The following DACH2 variants were observed in gnomAD, a reference collection of about 807,000 sequenced individuals.
DACH2 encodes dachshund family transcription factor 2, also known as dachshund homolog 2.
DACH2 carries 17 observed loss-of-function variants against 35.8 expected under a neutral mutation model. The observed-to-expected ratio is 0.48, with a 90% CI of 0.33 to 0.71. The LOEUF (loss-of-function observed/expected upper bound fraction) is 0.71, where lower values mean the gene tolerates loss of function less well. DACH2 is among the 30% of genes least tolerant of loss of function. DACH2 has a pLI of 0.02. For synonymous variants in DACH2, 195 were observed against 177.3 expected, an observed-to-expected ratio of 1.10 and a Z score of -0.79; for missense variants, 469 against 472.7, an observed-to-expected ratio of 0.99 and a Z score of 0.07.
Position 86,453,292 on chromosome X carries a change from G to A in DACH2, c.528-60987G>A, listed in dbSNP as rs188703586. Among the ~76,000 whole-genome samples, 3 of 112,042 alleles carry A rather than the reference G, an allele frequency of 2.7e-5. No individual in the cohort carries two copies. The East Asian group carries it at 8.5e-4, about 32-fold the overall frequency. The stretch of plus-strand genomic sequence containing the variant: ...CAATTAGAAGAATACTGTATATTTT[G>A]CTGTTTTCGGGTGGAGAGTTCTGTC... On this transcript the variant is annotated intron_variant, in intron 2 of 11. Transcript: ENST00000373125.
chrX:86,408,092 G>A (rs185437482), intron 2 of DACH2, among the ~76,000 whole-genome samples: 4 of 111,061 alleles, frequency 3.6e-5, no homozygotes, highest in Non-Finnish European at 7.5e-5. Flanking sequence ...AATGTCCCAG[G>A]TTCAAAGCAA....
At chrX:86,245,289 C>A (rs761283375) in intron 1 of DACH2, among the ~76,000 whole-genome samples, 2 of 111,712 alleles carry the variant, frequency 1.8e-5, no homozygotes, top group East Asian at 5.6e-4. Flanking sequence ...GGTGCAAGTG[C>A]ATGCTTGCAT....
intron 1 of DACH2, among the ~76,000 whole-genome samples, chrX:86,236,558 A>T (rs1467304336): frequency 2.7e-5 from 3 of 112,359 alleles, no homozygotes; most frequent in Non-Finnish European, 5.6e-5. Context: ...CACCTAGGCT[A>T]TATTTTACAG....
At position 86,630,377 on chromosome X, in the gene DACH2, T is replaced by C. The variant is rs7472910; in HGVS notation, c.641-20659T>C. Among the ~76,000 whole-genome samples the C allele has an allele frequency of 3.8e-3, 413 of 109,217 alleles. 2 individuals are homozygous for C. Among genetic ancestry groups the C allele is most frequent in the African/African-American group, 0.013 (380 of 30,065 alleles). The allele number at this position is 109,217 out of a possible 115,157, so 94.8% of individuals were successfully genotyped here. On this transcript the variant is annotated intron_variant, in intron 3 of 11. Transcript: ENST00000373125. ...TTGCTTTGAATTATATATATATATA[T>C]ACACACATACATATACACATATATA...
chrX:86,393,873 C>A (rs138426932), intron 2 of DACH2, among the ~76,000 whole-genome samples: 1,740 of 110,494 alleles, frequency 0.016, 47 homozygotes, highest in African/African-American at 0.055. Flanking sequence ...TGAGTTAACA[C>A]ATATAAAACA....
At chrX:86,597,155 C>T (rs1186019291) in intron 3 of DACH2, among the ~76,000 whole-genome samples, 1 of 111,763 alleles carries the variant, frequency 8.9e-6, no homozygotes, top group African/African-American at 3.2e-5. Flanking sequence ...GTTTGGGTTT[C>T]CTAGTTCTGC....
intron 1 of DACH2, among the ~76,000 whole-genome samples, chrX:86,214,365 C>T (rs2032520237): frequency 8.9e-6 from 1 of 111,885 alleles, no homozygotes; most frequent in Admixed American, 9.5e-5. Flanking sequence ...CTTTATCTGA[C>T]CTTCAGAGTT....
intron 1 of DACH2, among the ~76,000 whole-genome samples, chrX:86,260,764 G>T (rs979921432): frequency 9.1e-6 from 1 of 109,610 alleles, no homozygotes; most frequent in Non-Finnish European, 1.9e-5. Flanking sequence ...CCTCTGGGAG[G>T]ATACATGGCT....
intron 3 of DACH2, among the ~76,000 whole-genome samples, chrX:86,567,364 A>T (rs1173654926): frequency 1.8e-5 from 2 of 111,381 alleles, no homozygotes; most frequent in African/African-American, 6.5e-5. Context: ...TTTTAACTGG[A>T]TTTATCTGGC....
intron 1 of DACH2, among the ~76,000 whole-genome samples, chrX:86,171,586 G>A (rs182788043): frequency 2.7e-5 from 3 of 111,514 alleles, no homozygotes; most frequent in East Asian, 2.8e-4. Context: ...TCTATGGGCA[G>A]CTGTAAGACG....
At chrX:86,545,125 C>T (rs1361897043) in intron 3 of DACH2, among the ~76,000 whole-genome samples, 1 of 111,923 alleles carries the variant, frequency 8.9e-6, no homozygotes, top group Non-Finnish European at 1.9e-5. Context: ...CAGCAGTATT[C>T]ACAGTAGCAA....
intron 2 of DACH2, among the ~76,000 whole-genome samples, chrX:86,473,783 C>T (rs1235199313): frequency 5.4e-5 from 6 of 111,526 alleles, no homozygotes; most frequent in Admixed American, 9.6e-5. Context: ...TGGACACTTA[C>T]GTGGCTTCCA....
intron 1 of DACH2, among the ~76,000 whole-genome samples, chrX:86,292,551 T>C (rs938648577): frequency 4.5e-5 from 5 of 111,369 alleles, no homozygotes; most frequent in African/African-American, 9.8e-5. Context: ...CTGTTTTCTC[T>C]TGTGGGCATT....
chrX:86,742,224 A>G (rs1333903833), intron 7 of DACH2, among the ~76,000 whole-genome samples: 1 of 110,882 alleles, frequency 9.0e-6, no homozygotes, highest in Non-Finnish European at 1.9e-5. Flanking sequence ...CTCTACAGTT[A>G]CCATATTTTA....
At chrX:86,390,464 T>G (rs1456281557) in intron 2 of DACH2, among the ~76,000 whole-genome samples, 1 of 112,058 alleles carries the variant, frequency 8.9e-6, no homozygotes, top group Non-Finnish European at 1.9e-5. Flanking sequence ...GAGGACTTTA[T>G]GAAAGTGGAA....
At chrX:86,257,334 C>A (rs2147958340) in intron 1 of DACH2, among the ~76,000 whole-genome samples, 1 of 112,484 alleles carries the variant, frequency 8.9e-6, no homozygotes, top group African/African-American at 3.2e-5. Flanking sequence ...TTGATATTTC[C>A]TCTAAGAAAT....
At chrX:86,389,907 G>A (rs544011290) in intron 2 of DACH2, among the ~76,000 whole-genome samples, 3 of 111,838 alleles carry the variant, frequency 2.7e-5, no homozygotes, top group African/African-American at 9.7e-5. Context: ...CTTAAAACTA[G>A]ACTAAAATGC....
At chrX:86,728,732 C>T (rs1457285521) in intron 6 of DACH2, among the ~76,000 whole-genome samples, 1 of 112,704 alleles carries the variant, frequency 8.9e-6, no homozygotes, top group Non-Finnish European at 1.9e-5. Flanking sequence ...ATGCTCTTGC[C>T]ACTACTCCAG....
chrX:86,468,527 G>C (rs1430802539), intron 2 of DACH2, among the ~76,000 whole-genome samples: 2 of 111,551 alleles, frequency 1.8e-5, no homozygotes, highest in Non-Finnish European at 3.8e-5. Flanking sequence ...TGTTGTGTCA[G>C]TTAAAAGCCT....
Sources: allele counts gnomAD v4.1 joint callset (sites outside exome capture counted in the v4.1 genomes callset), GRCh38; gene constraint gnomAD v4.1.1; transcripts MANE v1.5; gene names NCBI Gene and HGNC (gene_info 2026-07-23, HGNC 2026-07-21).